CTCF: variants seen among roughly 807,000 people sequenced by gnomAD.
CTCF encodes the protein CCCTC-binding factor.
A neutral mutation model predicts 72.3 loss-of-function variants in CTCF; 7 were observed. The observed-to-expected ratio is 0.10, with a 90% CI of 0.06 to 0.18. The LOEUF is 0.18. Among genes scored for constraint, CTCF ranks in the 10% least tolerant of loss-of-function variants. The pLI is 1.00. For synonymous variants in CTCF, 374 were observed against 315.8 expected (o/e 1.18, Z -1.95); for missense variants, 516 against 949.1 (o/e 0.54, Z 6.00).
chr16:67,611,838 T>C (rs878885906), intron 3 of CTCF, 113 bp from the exon 4 acceptor site: 17 of 1,019,888 alleles, frequency 1.7e-5, no homozygotes, highest in Non-Finnish European at 2.2e-5. Flanking sequence ...TTATGACTTA[T>C]ATTGGGTTTT....
intron 2 of CTCF, among the ~76,000 whole-genome samples, chr16:67,583,540 A>G (rs1024776143): frequency 1.3e-4 from 20 of 151,928 alleles, no homozygotes; most frequent in South Asian, 4.2e-4. Context: ...TACAAAACTT[A>G]GCCGGGTGTA....
chr16:67,585,958 A>G (rs1211503729), intron 2 of CTCF, among the ~76,000 whole-genome samples: 1 of 152,112 alleles, frequency 6.6e-6, no homozygotes, highest in Non-Finnish European at 1.5e-5. Context: ...ATATAAATAT[A>G]TAACCCTCCC....
rs2051981859 is a variant in CTCF at position 67,606,932 on chromosome 16, A to G, written c.-9-3892A>G. ...GAGGCACACCCCACCACACTCAGCT[A>G]TATATGTTTTATTTTATTTTAATTA... On this transcript the variant is annotated intron_variant, in intron 2 of 11. Coordinates refer to ENST00000264010, the MANE Select transcript of CTCF (RefSeq NM_006565.4). 4.0e-5 allele frequency among the ~76,000 whole-genome samples: 6 copies of G among 151,626 alleles called. No homozygotes were observed. The South Asian group carries it at 1.3e-3, about 32-fold the overall frequency.
chr16:67,611,779 C>T (rs1440046374), intron 3 of CTCF, among the ~76,000 whole-genome samples, 166 bp downstream of exon 3: 1 of 151,942 alleles, frequency 6.6e-6, no homozygotes, highest in East Asian at 1.9e-4. Flanking sequence ...ATTGAATGCT[C>T]TTTTTTTAAT....
At chr16:67,626,857 G>C (rs555226132) in intron 8 of CTCF, 142 bp downstream of exon 8, 31 of 511,556 alleles carry the variant, frequency 6.1e-5, no homozygotes, top group South Asian at 8.7e-5. Flanking sequence ...AAAATCAAAG[G>C]TCATGCTCCT....
chr16:67,576,329 AAAG>A (rs1351751604), intron 2 of CTCF, among the ~76,000 whole-genome samples: 5 of 152,076 alleles, frequency 3.3e-5, no homozygotes, highest in Admixed American at 3.3e-4. Flanking sequence ...CCTAGGGAAA[AAAG>A]ACTAAACAGA....
chr16:67,564,421 A>G (rs1236432745), intron 1 of CTCF, among the ~76,000 whole-genome samples: 3 of 152,204 alleles, frequency 2.0e-5, no homozygotes, highest in Non-Finnish European at 2.9e-5. Flanking sequence ...TGTAATCTCA[A>G]TGTGTAGCTC....
At chr16:67,585,268 T>G (rs1479266002) in intron 2 of CTCF, among the ~76,000 whole-genome samples, 1 of 152,220 alleles carries the variant, frequency 6.6e-6, no homozygotes, top group African/African-American at 2.4e-5. Context: ...CAGGCTCGTC[T>G]CAAACTCCTG....
At chr16:67,632,784 C>T (rs1288212934) in intron 10 of CTCF, among the ~76,000 whole-genome samples, 1 of 152,198 alleles carries the variant, frequency 6.6e-6, no homozygotes, top group Non-Finnish European at 1.5e-5. Flanking sequence ...ATATATTCCC[C>T]ACGTTTTCAC....
At position 67,638,995 on chromosome 16, in the gene CTCF, GAGCCATCAGTT is replaced by G. The variant is rs2052469337; in HGVS notation, c.*1127_*1137del. The G allele has an allele frequency of 4.9e-6, 1 of 203,096 alleles. No homozygotes were observed. The highest frequency in any genetic ancestry group is 1.9e-4 in the South Asian group (1 of 5,260). 12.6% of individuals were successfully genotyped at this position (203,096 alleles called of 1,614,324 possible). On this transcript the variant is annotated 3_prime_UTR_variant, in exon 12 of 12. Transcript: ENST00000264010. ...TTTCTTCTGTGTATTGCTTTTAAGA[GAGCCATCAGTT>G]AGCTATCAGACTCTAGGTTGATGCA...
chr16:67,633,792 AC>A (rs1172098737), intron 10 of CTCF, among the ~76,000 whole-genome samples: 24 of 151,586 alleles, frequency 1.6e-4, no homozygotes, highest in African/African-American at 5.3e-4. Context: ...ACACACACAC[AC>A]ACACACACAC....
intron 2 of CTCF, among the ~76,000 whole-genome samples, chr16:67,599,081 AGTGGCTGAAGTGGCCGGGTGCG>A (rs1408560048): frequency 2.6e-5 from 4 of 152,294 alleles, no homozygotes; most frequent in Non-Finnish European, 4.4e-5. Flanking sequence ...CTAGCTAAGA[AGTGGCTGAAGTGGCCGGGTGCG>A]GTGGCTGAAG....
chr16:67,589,694 T>G (rs897558609), intron 2 of CTCF, among the ~76,000 whole-genome samples: 1 of 152,198 alleles, frequency 6.6e-6, no homozygotes, highest in African/African-American at 2.4e-5. Context: ...CAGTACTGAT[T>G]GAAGACTACC....
At chr16:67,621,693 T>G (rs1235262007) in intron 7 of CTCF, 102 bp downstream of exon 7, 9 of 856,096 alleles carry the variant, frequency 1.1e-5, no homozygotes, top group Middle Eastern at 2.3e-4. Flanking sequence ...TCTCATAACA[T>G]TTTATGTATA....
intron 2 of CTCF, among the ~76,000 whole-genome samples, chr16:67,609,564 CTT>C (rs1009828125): frequency 2.7e-5 from 4 of 149,770 alleles, no homozygotes. Flanking sequence ...CTTTAAGACT[CTT>C]TTATCTGTAT....
chr16:67,584,332 G>GTCTTCT (rs1380717997), intron 2 of CTCF, among the ~76,000 whole-genome samples: 2 of 134,300 alleles, frequency 1.5e-5, no homozygotes, highest in African/African-American at 6.0e-5. Context: ...AAAAAAAAAA[G>GTCTTCT]TCTTCTTTTT....
At chr16:67,634,494 C>T (rs1225447360) in intron 10 of CTCF, among the ~76,000 whole-genome samples, 2 of 150,206 alleles carry the variant, frequency 1.3e-5, no homozygotes, top group African/African-American at 2.5e-5. Context: ...AGGCGTGAGC[C>T]ACCATGCCCA....
At chr16:67,582,058 C>T (rs567051566) in intron 2 of CTCF, among the ~76,000 whole-genome samples, 1 of 151,940 alleles carries the variant, frequency 6.6e-6, no homozygotes, top group East Asian at 2.0e-4. Context: ...CCCGTCTCTA[C>T]TAAAACAAAA....
intron 2 of CTCF, among the ~76,000 whole-genome samples, chr16:67,576,566 T>C (rs1330369662): frequency 6.7e-6 from 1 of 148,946 alleles, no homozygotes; most frequent in Non-Finnish European, 1.5e-5. Context: ...TTTTTTTTTT[T>C]TTTTTGAGAT....
Sources: gnomAD v4.1 joint callset for allele counts (sites outside exome capture counted in the v4.1 genomes callset) on GRCh38, gnomAD v4.1.1 for gene constraint, MANE v1.5 for transcripts, NCBI Gene and HGNC (gene_info 2026-07-23, HGNC 2026-07-21) for gene names.